Variants in GFOD1 observed in about 807,000 individuals in gnomAD.
GFOD1 encodes glucose-fructose oxidoreductase domain-containing protein 1.
GFOD1 carries 9 observed loss-of-function variants against 25.4 expected under a neutral mutation model. The ratio of observed to expected loss-of-function variants is 0.35; its 90% CI spans 0.21 to 0.62. The LOEUF (loss-of-function observed/expected upper bound fraction) is 0.62. GFOD1 is among the 20% of genes least tolerant of loss of function. The pLI, the probability that GFOD1 is intolerant of heterozygous loss-of-function variation, is 0.72. For synonymous variants in GFOD1, 253 were observed against 245.6 expected (o/e 1.03, Z -0.28); for missense variants, 403 against 556.9 (o/e 0.72, Z 2.78).
At chr6:13,435,691 T>C (rs1396676028) in intron 1 of GFOD1, among the ~76,000 whole-genome samples, 1 of 152,252 alleles carries the variant, frequency 6.6e-6, no homozygotes, top group Non-Finnish European at 1.5e-5. Flanking sequence ...AATGACTCTT[T>C]ATAATATGGT....
chr6:13,438,728 A>C (rs1376842190), intron 1 of GFOD1, among the ~76,000 whole-genome samples: 1 of 152,188 alleles, frequency 6.6e-6, no homozygotes, highest in Non-Finnish European at 1.5e-5. Context: ...GTGACGAAGT[A>C]CTGATCTAGG....
At chr6:13,411,286 T>G (rs1486721293) in intron 1 of GFOD1, among the ~76,000 whole-genome samples, 1 of 152,124 alleles carries the variant, frequency 6.6e-6, no homozygotes, top group Non-Finnish European at 1.5e-5. Context: ...AGACATCGGC[T>G]GTCTATTTTC....
intron 1 of GFOD1, among the ~76,000 whole-genome samples, chr6:13,483,371 G>A (rs891603443): frequency 3.3e-5 from 5 of 152,106 alleles, no homozygotes; most frequent in South Asian, 2.1e-4. Flanking sequence ...GGGTGGGCTC[G>A]CTGAAGCCCT....
At chr6:13,435,549 C>G (rs1278058886) in intron 1 of GFOD1, among the ~76,000 whole-genome samples, 2 of 152,094 alleles carry the variant, frequency 1.3e-5, no homozygotes, top group African/African-American at 4.8e-5. Context: ...GTGGGTTTGC[C>G]CCAGTAAGAC....
At chr6:13,431,611 C>G (rs770866219) in intron 1 of GFOD1, among the ~76,000 whole-genome samples, 1 of 152,216 alleles carries the variant, frequency 6.6e-6, no homozygotes, top group African/African-American at 2.4e-5. Context: ...AACTAAAAAA[C>G]TGCACCCACT....
chr6:13,436,015 C>T (rs1465551051), intron 1 of GFOD1, among the ~76,000 whole-genome samples: 1 of 152,164 alleles, frequency 6.6e-6, no homozygotes, highest in Non-Finnish European at 1.5e-5. Context: ...AAATGAAACC[C>T]AATTTGCGTT....
chr6:13,470,239 A>G (rs769666129), intron 1 of GFOD1: 2 of 1,596,492 alleles, frequency 1.3e-6, no homozygotes, highest in East Asian at 4.5e-5. Context: ...AAAGAAGGGC[A>G]ATTGCCGGCT....
chr6:13,407,850 T>C, intron 1 of GFOD1: 2 of 491,682 alleles, frequency 4.1e-6, no homozygotes, highest in African/African-American at 2.0e-5. Flanking sequence ...TTGTTTAATG[T>C]AGACGGTGAT....
rs1210154344 is a variant in GFOD1, at chr6:13,469,739, T to C, written c.253+16899A>G. On this transcript the variant is annotated intron_variant, in intron 1 of 1. Coordinates refer to ENST00000379287, the MANE Select transcript of GFOD1 (RefSeq NM_018988.4). ...TATTTCAGATGTTCAAATGTGAAAA[T>C]AATACATGTCACAGAATCAATGACA... 2.6e-6 allele frequency: 3 copies of C among 1,168,152 alleles called. No homozygotes were observed. In the African/African-American group the frequency reaches 4.8e-5, roughly 19 times the overall value. 72.4% of individuals were successfully genotyped at this position (1,168,152 alleles called of 1,614,324 possible). A position where few individuals can be genotyped will look rare whatever the true frequency, so the allele number is the denominator to read the frequency against.
chr6:13,405,637 G>A (rs1020131487), intron 1 of GFOD1, among the ~76,000 whole-genome samples: 1 of 152,148 alleles, frequency 6.6e-6, no homozygotes, highest in Admixed American at 6.6e-5. Flanking sequence ...TAGAAAATAT[G>A]TAAGTGGCAG....
rs527700613 is a variant in GFOD1, at chr6:13,429,005, G to A, written c.253+57633C>T. ...TAATTGGTACCAAGTCCCTGAGCAC[G>A]TGAGCCAGCTTGCTAGATGCTCAGA... On this transcript the variant is annotated intron_variant, in intron 1 of 1. Transcript: ENST00000379287. Among the ~76,000 whole-genome samples, 33 of 152,296 alleles carry A rather than the reference G, an allele frequency of 2.2e-4. No homozygotes were observed. In the East Asian group the frequency reaches 5.4e-3, roughly 25 times the overall value.
At chr6:13,458,548 C>T (rs1758232360) in intron 1 of GFOD1, among the ~76,000 whole-genome samples, 1 of 151,940 alleles carries the variant, frequency 6.6e-6, no homozygotes, top group Non-Finnish European at 1.5e-5. Context: ...ATTTCAGTCC[C>T]AGAGCCCTTC....
rs766599346 is a variant in GFOD1 at position 13,365,131 on chromosome 6, C to G, written c.785G>C (p.Gly262Ala). ...VGSAGRLLAV[G>A]TDLYGQRNSA... ...GTTGCGCTGCCCGTACAGGTCGGTG[C>G]CCACGGCCAGCAGGCGCCCGGCTGA... Residue 262 changes from glycine to alanine, a missense_variant, in exon 2 of 2, where the codon GGC becomes GCC. Coordinates refer to ENST00000379287, the MANE Select transcript of GFOD1 (RefSeq NM_018988.4). This position sits in a 1 kb window ranked among gnomAD's most constrained non-coding sequence, Gnocchi z 9.2. 1 of 1,613,084 alleles carries G rather than the reference C, an allele frequency of 6.2e-7. No homozygotes were observed. The highest frequency in any genetic ancestry group is 1.3e-5 in the African/African-American group (1 of 75,064).
At chr6:13,474,316 T>C (rs1758570489) in intron 1 of GFOD1, among the ~76,000 whole-genome samples, 2 of 152,034 alleles carry the variant, frequency 1.3e-5, no homozygotes, top group African/African-American at 4.8e-5. Flanking sequence ...GAGGCAGAGG[T>C]TGCGGTGAGC....
At chr6:13,369,342 G>A (rs942379592) in intron 1 of GFOD1, among the ~76,000 whole-genome samples, 4 of 152,206 alleles carry the variant, frequency 2.6e-5, no homozygotes, top group Admixed American at 2.6e-4. Flanking sequence ...TGCAAGCATG[G>A]CTTCTTGCCC....
At chr6:13,475,234 T>C (rs908228256) in intron 1 of GFOD1, among the ~76,000 whole-genome samples, 1 of 152,066 alleles carries the variant, frequency 6.6e-6, no homozygotes, top group Admixed American at 6.5e-5. Context: ...CAAACCAAAG[T>C]CCTAACAAGA....
chr6:13,366,241 T>C (rs1785045720), intron 1 of GFOD1, among the ~76,000 whole-genome samples: 1 of 152,200 alleles, frequency 6.6e-6, no homozygotes, highest in South Asian at 2.1e-4. Context: ...ATTGCAGTGG[T>C]GCGATCATAG....
At chr6:13,470,493 C>A in intron 1 of GFOD1, 1 of 1,550,054 alleles carries the variant, frequency 6.5e-7, no homozygotes, top group Non-Finnish European at 8.7e-7. Flanking sequence ...TCTCCAAGAG[C>A]AGCATCGTGG....
In GFOD1 at chr6:13,438,799, G is replaced by T. The variant is rs571906641; in HGVS notation, c.253+47839C>A. ...CCCCAGCCCAGTGGTGAACATCCTAGCACTAATAAATGCCAGTAAAAACCC... is the reference window on the plus strand; with the variant it reads ...CCCCAGCCCAGTGGTGAACATCCTATCACTAATAAATGCCAGTAAAAACCC... On this transcript the variant is annotated intron_variant, in intron 1 of 1. Transcript: ENST00000379287. Among the ~76,000 whole-genome samples the T allele has an allele frequency of 1.6e-4, 24 of 152,258 alleles. No homozygotes were observed. In the East Asian group the frequency reaches 4.6e-3, roughly 29 times the overall value.
Sources: gnomAD v4.1 joint callset for allele counts (sites outside exome capture counted in the v4.1 genomes callset) on GRCh38, gnomAD v4.1.1 for gene constraint, Gnocchi (gnomAD v3.1) non-coding constraint, MANE v1.5 for transcripts, NCBI Gene and HGNC (gene_info 2026-07-23, HGNC 2026-07-21) for gene names.